The following PPM1E variants were observed in gnomAD, a reference collection of about 807,000 sequenced individuals.
PPM1E encodes the protein protein phosphatase, Mg2+/Mn2+ dependent 1E, also known as protein phosphatase 1E.
A neutral mutation model predicts 65.9 loss-of-function variants in PPM1E; 20 were observed. The ratio of observed to expected loss-of-function variants is 0.30; its 90% CI spans 0.21 to 0.44. The LOEUF is 0.44. Among genes scored for constraint, PPM1E ranks in the 20% least tolerant of loss-of-function variants. PPM1E has a pLI of 1.00. For synonymous variants in PPM1E, 352 were observed against 374.9 expected, an observed-to-expected ratio of 0.94 and a Z score of 0.70; for missense variants, 713 against 953.1, an observed-to-expected ratio of 0.75 and a Z score of 3.32.
chr17:58,854,211 C>A (rs755829475), intron 1 of PPM1E, among the ~76,000 whole-genome samples: 1 of 152,088 alleles, frequency 6.6e-6, no homozygotes. Context: ...AGATTGTTCA[C>A]ATTTAGTGAA....
At chr17:58,808,816 G>T (rs1201874869) in intron 1 of PPM1E, among the ~76,000 whole-genome samples, 1 of 151,872 alleles carries the variant, frequency 6.6e-6, no homozygotes, top group African/African-American at 2.4e-5. Context: ...GTCACTCCTT[G>T]TTCCCATCCC....
At chr17:58,826,681 A>G (rs544175904) in intron 1 of PPM1E, among the ~76,000 whole-genome samples, 1 of 152,244 alleles carries the variant, frequency 6.6e-6, no homozygotes, top group Admixed American at 6.5e-5. Context: ...GCTAGAGTGC[A>G]GTGCCACGAT....
intron 1 of PPM1E, among the ~76,000 whole-genome samples, chr17:58,852,636 ACT>A (rs2050839191): frequency 7.1e-6 from 1 of 140,528 alleles, no homozygotes; most frequent in Non-Finnish European, 1.5e-5. Context: ...ATGGAGTCTC[ACT>A]CTGTCACCAG....
intron 1 of PPM1E, among the ~76,000 whole-genome samples, chr17:58,776,743 A>C (rs2049998108): frequency 6.6e-6 from 1 of 152,240 alleles, no homozygotes; most frequent in Admixed American, 6.5e-5. Context: ...AATTATGTTT[A>C]AAAATTAATC....
At chr17:58,909,315 T>C (rs2051595754) in intron 1 of PPM1E, among the ~76,000 whole-genome samples, 2 of 152,118 alleles carry the variant, frequency 1.3e-5, no homozygotes, top group South Asian at 4.1e-4. Context: ...TGGAATGCAA[T>C]GGCATGATCA....
Position 58,982,901 on chromosome 17 carries a change from G to A in PPM1E, c.*1870G>A, listed in dbSNP as rs2031445390. On this transcript the variant is annotated 3_prime_UTR_variant, in exon 7 of 7. Transcript: ENST00000308249. The stretch of plus-strand genomic sequence containing the variant: ...ATCTTGTTAACCCATCAGGTGCAGT[G>A]TCAGTTTCAAATCAAATTATCTAAG... 2 of 1,572,668 alleles carry A rather than the reference G, an allele frequency of 1.3e-6. No individual in the cohort carries two copies. Among genetic ancestry groups the A allele is most frequent in the Non-Finnish European group, 1.7e-6 (2 of 1,157,324 alleles).
intron 1 of PPM1E, among the ~76,000 whole-genome samples, chr17:58,887,221 G>A (rs976668892): frequency 2.2e-5 from 3 of 138,856 alleles, no homozygotes; most frequent in Admixed American, 7.7e-5. Flanking sequence ...CTGGAGTGCA[G>A]TGGTGCAATC....
intron 1 of PPM1E, among the ~76,000 whole-genome samples, chr17:58,871,181 T>C (rs138469054): frequency 0.012 from 1,754 of 152,188 alleles, 28 homozygotes; most frequent in African/African-American, 0.039. Flanking sequence ...GGACTACAGG[T>C]GCACACCACC....
chr17:58,945,564 T>G (rs1260449827), intron 1 of PPM1E, among the ~76,000 whole-genome samples: 1 of 152,194 alleles, frequency 6.6e-6, no homozygotes, highest in Non-Finnish European at 1.5e-5. Context: ...TGCCTGGAGT[T>G]ACAACAGATC....
intron 1 of PPM1E, among the ~76,000 whole-genome samples, chr17:58,917,267 T>G (rs1041068540): frequency 6.6e-6 from 1 of 151,554 alleles, no homozygotes; most frequent in African/African-American, 2.4e-5. Context: ...AAGATACACA[T>G]AATGTATTGA....
intron 2 of PPM1E, among the ~76,000 whole-genome samples, chr17:58,961,857 G>A (rs1372824449): frequency 2.0e-5 from 3 of 152,138 alleles, no homozygotes; most frequent in Non-Finnish European, 2.9e-5. Context: ...AGGCTGGAGT[G>A]CAGTGGCTAT....
At chr17:58,963,932 G>C (rs12944274) in intron 2 of PPM1E, among the ~76,000 whole-genome samples, 48,590 of 151,856 alleles carry the variant, frequency 0.32, 8,667 homozygotes, top group Middle Eastern at 0.49. Context: ...CCACAAGACA[G>C]GATTTACCAC....
At position 58,802,237 on chromosome 17, in the gene PPM1E, A is replaced by G. The variant is rs139934567; in HGVS notation, c.464+45776A>G. Among the ~76,000 whole-genome samples the G allele has an allele frequency of 9.3e-4, 141 of 152,252 alleles. 1 individual carries two copies. Among genetic ancestry groups the G allele is most frequent in the African/African-American group, 3.3e-3 (138 of 41,554 alleles). On this transcript the variant is annotated intron_variant, in intron 1 of 6. Coordinates refer to ENST00000308249, the MANE Select transcript of PPM1E (RefSeq NM_014906.5). ...TGGTTTAATAAGGGTCCAACTTCAT[A>G]TTTTTTGAATAGGGATATCCAGTTT...
chr17:58,934,444 G>A (rs966938453), intron 1 of PPM1E, among the ~76,000 whole-genome samples: 5 of 152,008 alleles, frequency 3.3e-5, no homozygotes, highest in Admixed American at 2.6e-4. Context: ...TACTCTTAAG[G>A]AACATTCATT....
intron 1 of PPM1E, among the ~76,000 whole-genome samples, chr17:58,795,976 A>G (rs1232208057): frequency 6.6e-6 from 1 of 152,016 alleles, no homozygotes; most frequent in African/African-American, 2.4e-5. Context: ...CCCGTTCTGT[A>G]GTTTGTCTGT....
intron 1 of PPM1E, among the ~76,000 whole-genome samples, chr17:58,775,797 C>G (rs1242727952): frequency 1.3e-5 from 2 of 149,800 alleles, no homozygotes; most frequent in Admixed American, 6.7e-5. Context: ...GCCTGTAGTC[C>G]CAGCTACTCG....
intron 1 of PPM1E, among the ~76,000 whole-genome samples, chr17:58,915,250 A>G (rs1436169426): frequency 6.6e-6 from 1 of 152,210 alleles, no homozygotes; most frequent in Non-Finnish European, 1.5e-5. Flanking sequence ...TATGCTAAAC[A>G]AGGGGTGGAT....
At chr17:58,973,094 C>A (rs2030744018) in intron 6 of PPM1E, among the ~76,000 whole-genome samples, 169 bp downstream of exon 6, 1 of 152,106 alleles carries the variant, frequency 6.6e-6, no homozygotes, top group African/African-American at 2.4e-5. Context: ...TTTAGTTAAA[C>A]CTGTACATTT....
At chr17:58,766,782 A>C (rs1005234148) in intron 1 of PPM1E, among the ~76,000 whole-genome samples, 1 of 152,142 alleles carries the variant, frequency 6.6e-6, no homozygotes, top group African/African-American at 2.4e-5. Context: ...ATGATCTCTT[A>C]AGTTCTGAGA....
Sources: allele counts gnomAD v4.1 joint callset (sites outside exome capture counted in the v4.1 genomes callset), GRCh38; gene constraint gnomAD v4.1.1; transcripts MANE v1.5; gene names NCBI Gene and HGNC (gene_info 2026-07-23, HGNC 2026-07-21).